YLPM1: variants seen among roughly 807,000 people sequenced by gnomAD.
The protein encoded by YLPM1 is YLP motif containing 1, also known as YLP motif-containing protein 1.
In YLPM1, 99 loss-of-function variants were observed where a neutral mutation model predicts 230.0. That is an observed-to-expected ratio of 0.43 (90% CI 0.37 to 0.51). YLPM1 has a LOEUF of 0.51. Ranked by LOEUF, YLPM1 falls within the 20% of genes least tolerant of loss-of-function variation. The pLI is 0.00. For synonymous variants in YLPM1, 984 were observed against 942.5 expected, an observed-to-expected ratio of 1.04 and a Z score of -0.81; for missense variants, 2,592 against 2,707.7, an observed-to-expected ratio of 0.96 and a Z score of 0.95.
chr14:74,814,676 A>G (rs1186182862), intron 11 of YLPM1, among the ~76,000 whole-genome samples: 1 of 152,230 alleles, frequency 6.6e-6, no homozygotes, highest in Non-Finnish European at 1.5e-5. Flanking sequence ...GGATTTTTGC[A>G]TCCATATTCA....
At chr14:74,786,634 G>C (rs1001629115) in intron 4 of YLPM1, among the ~76,000 whole-genome samples, 1 of 152,066 alleles carries the variant, frequency 6.6e-6, no homozygotes, top group Non-Finnish European at 1.5e-5. Flanking sequence ...GTTTATTCCC[G>C]TTCCTGTACA....
chr14:74,819,483 C>T (rs776961956), intron 16 of YLPM1, among the ~76,000 whole-genome samples: 1 of 152,088 alleles, frequency 6.6e-6, no homozygotes, highest in Non-Finnish European at 1.5e-5. Context: ...CCATGTTGGC[C>T]AGGCTGGTCT....
chr14:74,788,430 T>C (rs757133598), intron 4 of YLPM1, among the ~76,000 whole-genome samples: 2 of 152,228 alleles, frequency 1.3e-5, no homozygotes, highest in Non-Finnish European at 2.9e-5. Context: ...TTCTGTCACA[T>C]ATCCTTTTAG....
intron 5 of YLPM1, 31 bp downstream of exon 5, chr14:74,799,728 A>G (rs748335528): frequency 6.4e-7 from 1 of 1,553,866 alleles, no homozygotes; most frequent in Admixed American, 1.9e-5. Context: ...CCTTTCTTTT[A>G]ATAAAAACCA....
chr14:74,782,420 A>G (rs1313074964), intron 4 of YLPM1, 95 bp downstream of exon 4: 4 of 1,360,044 alleles, frequency 2.9e-6, no homozygotes, highest in Non-Finnish European at 3.9e-6. Flanking sequence ...TCATTTATAC[A>G]ATGTTTATAC....
intron 1 of YLPM1, among the ~76,000 whole-genome samples, chr14:74,772,362 T>G (rs1367605183): frequency 1.3e-5 from 2 of 150,582 alleles, no homozygotes. Flanking sequence ...ATTCTTAATT[T>G]TTTTTTTTTT....
chr14:74,775,353 G>T (rs954463471), intron 1 of YLPM1, among the ~76,000 whole-genome samples: 6 of 152,206 alleles, frequency 3.9e-5, no homozygotes, highest in Non-Finnish European at 7.3e-5. Flanking sequence ...TGAGTGAAAA[G>T]TAGGTAACAA....
chr14:74,770,514 A>G (rs1405822360), intron 1 of YLPM1, among the ~76,000 whole-genome samples: 1 of 151,582 alleles, frequency 6.6e-6, no homozygotes, highest in Non-Finnish European at 1.5e-5. Flanking sequence ...AATCTCAGCT[A>G]CTTGGGAGGC....
At chr14:74,774,623 G>T (rs1007527164) in intron 1 of YLPM1, among the ~76,000 whole-genome samples, 1 of 152,080 alleles carries the variant, frequency 6.6e-6, no homozygotes, top group African/African-American at 2.4e-5. Flanking sequence ...AGCCAGGATG[G>T]TCTTGATCTC....
chr14:74,784,490 A>G lies in YLPM1; in HGVS notation c.2282+2165A>G, dbSNP rs535899207. Among the ~76,000 whole-genome samples, 7 of 152,362 alleles carry G rather than the reference A, an allele frequency of 4.6e-5. No individual in the cohort carries two copies. The South Asian group carries it at 6.2e-4, about 14-fold the overall frequency. ...AGAGAGGTTGTAAATACCTTGCCTCATATAACACAGCTAGTAAATGGTCAA... is the reference window on the plus strand; with the variant it reads ...AGAGAGGTTGTAAATACCTTGCCTCGTATAACACAGCTAGTAAATGGTCAA... On this transcript the variant is annotated intron_variant, in intron 4 of 20. Transcript: ENST00000325680.
chr14:74,781,194 G>C (rs537161371), intron 3 of YLPM1, 140 bp from the exon 4 acceptor site: 2 of 953,570 alleles, frequency 2.1e-6, no homozygotes, highest in African/African-American at 3.3e-5. Context: ...AGAACTTAAC[G>C]AACTTATTCT....
At chr14:74,817,990 A>G (rs541164938) in intron 15 of YLPM1, among the ~76,000 whole-genome samples, 1 of 152,100 alleles carries the variant, frequency 6.6e-6, no homozygotes, top group African/African-American at 2.4e-5. Flanking sequence ...CACCATGTCA[A>G]GGCTGCAGTG....
intron 1 of YLPM1, among the ~76,000 whole-genome samples, chr14:74,773,712 T>TTC (rs2091002512): frequency 1.3e-5 from 1 of 75,490 alleles, no homozygotes; most frequent in Non-Finnish European, 2.4e-5. Context: ...GTTTTCTTTC[T>TTC]TTTTTTTTTT....
At position 74,807,748 on chromosome 14, in the gene YLPM1, G is replaced by C. The variant is rs556610740; in HGVS notation, c.4522-1632G>C. On this transcript the variant is annotated intron_variant, in intron 6 of 20. Transcript: ENST00000325680. ...TTCATAGTACTCATGTTCTCTGTTG[G>C]TCTCAGCTTCACCACAGATGACTAT... 9.2e-5 allele frequency among the ~76,000 whole-genome samples: 14 copies of C among 152,236 alleles called. No individual in the cohort carries two copies. In the South Asian group the frequency reaches 2.7e-3, roughly 29 times the overall value.
rs2091098947 is a variant in YLPM1 at position 74,781,948 on chromosome 14, C to T, written c.1905C>T (p.Pro635=). Residue 635 remains proline, a synonymous_variant, in exon 4 of 21, where the codon CCC becomes CCT. Coordinates refer to ENST00000325680, the MANE Select transcript of YLPM1 (RefSeq NM_019589.3). ...SSATPPPGIP[P]PGVPQGIPPQ... ...CTACACCTCCTCCAGGAATACCTCC[C>T]CCTGGAGTTCCACAAGGGATACCTC... is the stretch of plus-strand genomic sequence containing the variant. 1.2e-6 allele frequency: 2 copies of T among 1,613,646 alleles called. No individual in the cohort carries two copies. The highest frequency in any genetic ancestry group is 1.7e-6 in the Non-Finnish European group (2 of 1,179,692).
At position 74,781,874 on chromosome 14, in the gene YLPM1, T is replaced by C. The variant is rs543449442; in HGVS notation, c.1831T>C (p.Ser611Pro). ...ACCAGTTCTTCCCCCACCATCTCTC[T>C]CTTCAACAGCACCTCCACCTGTCAT... Reference protein sequence around the residue: ...PPPVLPPPSLSSTAPPPVMPL... With the variant: ...PPPVLPPPSLPSTAPPPVMPL... The change falls in exon 4 of 21, where the codon TCT becomes CCT. Residue 611 changes from serine to proline, a missense_variant. By Grantham distance (74) the Ser-to-Pro change is moderately conservative. Coordinates refer to ENST00000325680, the MANE Select transcript of YLPM1 (RefSeq NM_019589.3). 5 of 1,613,100 alleles carry C rather than the reference T, an allele frequency of 3.1e-6. No homozygotes were observed. The South Asian group carries it at 5.5e-5, about 18-fold the overall frequency.
Position 74,809,893 on chromosome 14 carries a change from C to T in YLPM1, c.4940-17C>T, listed in dbSNP as rs1301886891. 6.2e-7 allele frequency: 1 copy of T among 1,604,520 alleles called. No homozygotes were observed. The highest frequency in any genetic ancestry group is 8.5e-7 in the Non-Finnish European group (1 of 1,175,700). ...GCTTCACTCTTACAGTACTTTATCT[C>T]TGATTTTGTTTACCAGATATATCCA... On this transcript the variant is annotated splice_polypyrimidine_tract_variant and intron_variant, in intron 7 of 20. Transcript: ENST00000325680.
At chr14:74,796,994 G>T (rs1460178406) in intron 4 of YLPM1, among the ~76,000 whole-genome samples, 1 of 107,428 alleles carries the variant, frequency 9.3e-6, no homozygotes, top group Admixed American at 1.2e-4. Context: ...TTTTTGAGAC[G>T]GAGTCTCACT....
At chr14:74,802,898 A>G (rs2091341861) in intron 6 of YLPM1, among the ~76,000 whole-genome samples, 1 of 152,148 alleles carries the variant, frequency 6.6e-6, no homozygotes, top group South Asian at 2.1e-4. Context: ...AAGTACACCA[A>G]GTACACCTGA....
Sources: allele counts gnomAD v4.1 joint callset (sites outside exome capture counted in the v4.1 genomes callset), GRCh38; gene constraint gnomAD v4.1.1; transcripts MANE v1.5; gene names NCBI Gene and HGNC (gene_info 2026-07-23, HGNC 2026-07-21).